Variants in DPF3 observed in about 807,000 individuals in gnomAD.
DPF3 encodes zinc finger protein DPF3.
DPF3 carries 18 observed loss-of-function variants against 56.8 expected under a neutral mutation model. The observed-to-expected ratio is 0.32, with a 90% CI of 0.22 to 0.47. The LOEUF is 0.47. DPF3 is among the 20% of genes least tolerant of loss of function. The pLI, the probability that DPF3 is intolerant of heterozygous loss-of-function variation, is 1.00. For missense variants in DPF3, 403 were observed against 488.8 expected, an observed-to-expected ratio of 0.82 and a Z score of 1.65; for synonymous variants, 188 against 180.2, an observed-to-expected ratio of 1.04 and a Z score of -0.35.
intron 1 of DPF3, among the ~76,000 whole-genome samples, chr14:72,814,124 C>T (rs553856759): frequency 1.3e-5 from 2 of 152,274 alleles, no homozygotes; most frequent in African/African-American, 4.8e-5. Context: ...TTGCAGGCGA[C>T]GTGGCCCTGG....
At chr14:72,747,624 A>AC (rs1890378879) in intron 3 of DPF3, among the ~76,000 whole-genome samples, 1 of 142,768 alleles carries the variant, frequency 7.0e-6, no homozygotes, top group Admixed American at 7.4e-5. Flanking sequence ...CCCCGTCTCT[A>AC]CAAAAAAAAA....
intron 7 of DPF3, among the ~76,000 whole-genome samples, chr14:72,688,275 G>A (rs1297218729): frequency 1.9e-5 from 2 of 105,348 alleles, no homozygotes; most frequent in African/African-American, 7.9e-5. Context: ...GGATGAGTGG[G>A]TGGGTGGGTG....
intron 6 of DPF3, among the ~76,000 whole-genome samples, chr14:72,713,516 C>T (rs527421505): frequency 6.6e-6 from 1 of 152,208 alleles, no homozygotes; most frequent in Non-Finnish European, 1.5e-5. Flanking sequence ...GGTCCAGCCT[C>T]GACTGTTTCA....
At chr14:72,656,563 C>T (rs4903041) in intron 8 of DPF3, among the ~76,000 whole-genome samples, 70,605 of 152,048 alleles carry the variant, frequency 0.46, 17,228 homozygotes, top group East Asian at 0.85. Context: ...CGATGTGTGT[C>T]GTTCACACAA....
intron 8 of DPF3, among the ~76,000 whole-genome samples, chr14:72,631,762 G>A (rs1266594265): frequency 6.6e-6 from 1 of 152,220 alleles, no homozygotes; most frequent in Non-Finnish European, 1.5e-5. Context: ...AGAGGCCTCA[G>A]ATTAATCAGC....
At position 72,684,878 on chromosome 14, in the gene DPF3, G is replaced by A. The variant is rs570109054; in HGVS notation, c.742+8198C>T. Among the ~76,000 whole-genome samples, 5 of 152,206 alleles carry A rather than the reference G, an allele frequency of 3.3e-5. No individual in the cohort carries two copies. The South Asian group carries it at 6.2e-4, about 19-fold the overall frequency. On this transcript the variant is annotated intron_variant, in intron 7 of 10. Coordinates refer to ENST00000556509, the MANE Select transcript of DPF3 (RefSeq NM_001280542.3). ...GGTTCAGTGGGGTCATGAGGGTGGG[G>A]TCCTCGTAATGAAATTAGTGCCCTT...
intron 1 of DPF3, among the ~76,000 whole-genome samples, chr14:72,882,248 C>G (rs1886353129): frequency 6.6e-6 from 1 of 152,166 alleles, no homozygotes; most frequent in Non-Finnish European, 1.5e-5. Context: ...TAACACAAAA[C>G]TAAAAGGTCA....
In DPF3 at chr14:72,625,907, A is replaced by G. The variant is rs1231593860; in HGVS notation, c.984+3717T>C. ...AATACACAGTCATTAGTTCAAATCT[A>G]GCATACGTAGTTTCAGAATTACTAA... On this transcript the variant is annotated intron_variant, in intron 9 of 10. Coordinates refer to ENST00000556509, the MANE Select transcript of DPF3 (RefSeq NM_001280542.3). Among the ~76,000 whole-genome samples, 3 of 152,320 alleles carry G rather than the reference A, an allele frequency of 2.0e-5. No homozygotes were observed. In the East Asian group the frequency reaches 5.8e-4, roughly 29 times the overall value.
chr14:72,724,703 TTTTG>T (rs902350647), intron 4 of DPF3, among the ~76,000 whole-genome samples: 3 of 117,852 alleles, frequency 2.5e-5, no homozygotes, highest in African/African-American at 7.1e-5. Context: ...CCAGAGGGGT[TTTTG>T]TTTGTTTTTT....
At chr14:72,892,619 T>G (rs980319550) in intron 1 of DPF3, 17 of 1,201,476 alleles carry the variant, frequency 1.4e-5, no homozygotes, top group Admixed American at 4.2e-5. Flanking sequence ...GGTTTTCAAC[T>G]CCAGGAGTGG....
In DPF3 at chr14:72,822,246, T is replaced by C. The variant is rs538484086; in HGVS notation, c.33-50353A>G. ...ATACAAAAAAATTAGCTGGGCGTGG[T>C]AGCACATGCCTGTAATCCCAGCTAC... is the stretch of plus-strand genomic sequence containing the variant. On this transcript the variant is annotated intron_variant, in intron 1 of 10. Transcript: ENST00000556509. Among the ~76,000 whole-genome samples the C allele has an allele frequency of 2.0e-5, 3 of 152,158 alleles. No individual in the cohort carries two copies. The South Asian group carries it at 6.2e-4, about 32-fold the overall frequency.
chr14:72,625,813 ATC>A (rs1173302466), intron 9 of DPF3, among the ~76,000 whole-genome samples: 1 of 152,222 alleles, frequency 6.6e-6, no homozygotes. Context: ...AATGCCTTCA[ATC>A]TAGCCTTCCC....
At chr14:72,740,679 G>A (rs1019984935) in intron 3 of DPF3, among the ~76,000 whole-genome samples, 2 of 152,198 alleles carry the variant, frequency 1.3e-5, no homozygotes, top group African/African-American at 2.4e-5. Flanking sequence ...CCAGGCCAAG[G>A]GCAGGGAAAA....
chr14:72,740,063 A>C (rs144339509), intron 3 of DPF3, among the ~76,000 whole-genome samples: 3 of 152,052 alleles, frequency 2.0e-5, no homozygotes, highest in Non-Finnish European at 2.9e-5. Flanking sequence ...AGCCTGAAGG[A>C]AGAGAGGGAG....
chr14:72,883,536 A>C (rs559327301), intron 1 of DPF3, among the ~76,000 whole-genome samples: 1 of 152,284 alleles, frequency 6.6e-6, no homozygotes, highest in Non-Finnish European at 1.5e-5. Flanking sequence ...GTAGCTTTGC[A>C]GCAAGACTGA....
intron 6 of DPF3, among the ~76,000 whole-genome samples, chr14:72,708,680 G>A (rs555420651): frequency 5.9e-5 from 9 of 152,214 alleles, no homozygotes; most frequent in Non-Finnish European, 1.2e-4. Context: ...TTTGAAAGAG[G>A]TTGAGGTCAA....
chr14:72,727,778 C>T (rs1889468377), intron 4 of DPF3, among the ~76,000 whole-genome samples: 1 of 152,094 alleles, frequency 6.6e-6, no homozygotes, highest in South Asian at 2.1e-4. Flanking sequence ...CAGCACAGTG[C>T]CTGCACAGAG....
At chr14:72,637,530 G>A (rs1210589306) in intron 8 of DPF3, among the ~76,000 whole-genome samples, 1 of 152,226 alleles carries the variant, frequency 6.6e-6, no homozygotes, top group African/African-American at 2.4e-5. Context: ...GGATATAGCA[G>A]TGAGAAAATC....
chr14:72,868,482 G>A (rs775824801), intron 1 of DPF3, among the ~76,000 whole-genome samples: 5 of 152,196 alleles, frequency 3.3e-5, no homozygotes, highest in Non-Finnish European at 7.3e-5. Flanking sequence ...ATGAAAATCC[G>A]ATTGCATGGC....
Sources: gnomAD v4.1 joint callset for allele counts (sites outside exome capture counted in the v4.1 genomes callset) on GRCh38, gnomAD v4.1.1 for gene constraint, MANE v1.5 for transcripts, NCBI Gene and HGNC (gene_info 2026-07-23, HGNC 2026-07-21) for gene names.